SPTBN4: variants seen among roughly 807,000 people sequenced by gnomAD.
The protein encoded by SPTBN4 is spectrin beta, non-erythrocytic 4.
SPTBN4 carries 96 observed loss-of-function variants against 277.8 expected under a neutral mutation model. The observed-to-expected ratio is 0.35, with a 90% CI of 0.29 to 0.41. The LOEUF (loss-of-function observed/expected upper bound fraction) is 0.41. Ranked by LOEUF, SPTBN4 falls within the 10% of genes least tolerant of loss-of-function variation. The pLI is 1.00. For synonymous variants in SPTBN4, 1,481 were observed against 1,580.3 expected (o/e 0.94, Z 1.49); for missense variants, 3,006 against 3,595.7 (o/e 0.84, Z 4.19).
Position 40,515,602 on chromosome 19 carries a change from T to C in SPTBN4, c.2903+154T>C, listed in dbSNP as rs1371057050. On this transcript the variant is annotated intron_variant, in intron 15 of 35. Transcript: ENST00000598249. This position sits in a 1 kb window ranked among gnomAD's most constrained non-coding sequence, Gnocchi z 4.1. ...GACCAAAAATCATAATCCCTGATAC[T>C]GGTGATGACGTGGTAAAATTAAAAC... Among the ~76,000 whole-genome samples the C allele has an allele frequency of 6.6e-6, 1 of 152,210 alleles. No homozygotes were observed. The highest frequency in any genetic ancestry group is 1.5e-5 in the Non-Finnish European group (1 of 68,040).
rs1568803668 is a variant in SPTBN4, at chr19:40,519,992, C to G, written c.3495C>G (p.Gly1165=). Residue 1165 remains glycine (G), a synonymous_variant, in exon 16 of 36, where the codon GGC becomes GGG. Transcript: ENST00000598249. The surrounding 1 kb of genome is among the most constrained non-coding windows in gnomAD (Gnocchi z 5.7). ...ALLAADGAEL[G]PGLALDEWLP... ...TGGCCGCCGACGGCGCAGAGCTGGG[C>G]CCGGGCCTGGCACTAGACGAGTGGC... 6.4e-7 allele frequency: 1 copy of G among 1,560,550 alleles called. No homozygotes were observed. Among genetic ancestry groups the G allele is most frequent in the Admixed American group, 2.0e-5 (1 of 49,310 alleles).
At chr19:40,565,836 T>A in intron 29 of SPTBN4, 91 bp downstream of exon 29, 1 of 1,368,230 alleles carries the variant, frequency 7.3e-7, no homozygotes, top group Non-Finnish European at 1.0e-6. Flanking sequence ...AGGAGCATGC[T>A]TTGCACCCTA....
intron 2 of SPTBN4, among the ~76,000 whole-genome samples, chr19:40,473,354 GTT>G (rs61584591): frequency 1.2e-3 from 115 of 99,094 alleles, no homozygotes; most frequent in African/African-American, 4.5e-3. Flanking sequence ...CTGGCCTGGT[GTT>G]TTTTTTTTTT....
At chr19:40,486,619 C>T (rs558630753) in intron 2 of SPTBN4, among the ~76,000 whole-genome samples, 3 of 152,162 alleles carry the variant, frequency 2.0e-5, no homozygotes, top group East Asian at 3.9e-4. Flanking sequence ...GCAATCCACC[C>T]GCCTTGGCTT....
intron 17 of SPTBN4, among the ~76,000 whole-genome samples, chr19:40,527,596 G>A (rs2080608107): frequency 6.6e-6 from 1 of 152,242 alleles, no homozygotes; most frequent in African/African-American, 2.4e-5. Context: ...TTGAGTAGAT[G>A]TTGGGGGAAG....
At chr19:40,526,461 C>A (rs888296982) in intron 17 of SPTBN4, among the ~76,000 whole-genome samples, 2 of 152,060 alleles carry the variant, frequency 1.3e-5, no homozygotes, top group Non-Finnish European at 2.9e-5. Flanking sequence ...CGTGAGCCAC[C>A]GCGCCGGCCG....
chr19:40,482,912 G>A (rs2080028548), intron 2 of SPTBN4, among the ~76,000 whole-genome samples: 1 of 151,994 alleles, frequency 6.6e-6, no homozygotes, highest in South Asian at 2.1e-4. Flanking sequence ...AATGAGCCAA[G>A]ATTACACCAC....
chr19:40,497,816 C>T lies in SPTBN4; in HGVS notation c.784+212C>T, dbSNP rs143168683. On this transcript the variant is annotated intron_variant, in intron 7 of 35. Transcript: ENST00000598249. ...CGATCCCTCCCACATACCATCCTCACACCTCTTCCTCTCTCATCCCCAACC... is the reference window on the plus strand; with the variant it reads ...CGATCCCTCCCACATACCATCCTCATACCTCTTCCTCTCTCATCCCCAACC... 9.9e-5 allele frequency among the ~76,000 whole-genome samples: 15 copies of T among 151,826 alleles called. No homozygotes were observed. In the East Asian group the frequency reaches 1.4e-3, roughly 14 times the overall value.
intron 31 of SPTBN4, among the ~76,000 whole-genome samples, chr19:40,569,224 G>A (rs1418547447): frequency 6.6e-6 from 1 of 152,032 alleles, no homozygotes; most frequent in Non-Finnish European, 1.5e-5. Context: ...TCAGAAGTTC[G>A]AGACCAACCT....
rs1485823532 is a variant in SPTBN4 at position 40,565,574 on chromosome 19, G to A, written c.6054+13G>A. On this transcript the variant is annotated intron_variant, in intron 28 of 35. Coordinates refer to ENST00000598249, the MANE Select transcript of SPTBN4 (RefSeq NM_020971.3). ...CATGGCTGATGAGGTGGGGAGCAGG[G>A]AGGGGGTCCCCCTCTGCCACCCGGG... The A allele has an allele frequency of 1.2e-6, 2 of 1,611,960 alleles. No individual in the cohort carries two copies. The highest frequency in any genetic ancestry group is 1.7e-6 in the Non-Finnish European group (2 of 1,178,984).
At position 40,550,284 on chromosome 19, in the gene SPTBN4, G is replaced by T; in HGVS notation, c.4631G>T (p.Gly1544Val). The T allele has an allele frequency of 6.2e-7, 1 of 1,612,580 alleles. No homozygotes were observed. Residue 1544 changes from glycine to valine, a missense_variant, in exon 22 of 36, where the codon GGC (glycine) becomes GTC (valine). Gly to Val is a moderately radical substitution (Grantham distance 109). This residue lies in a region of SPTBN4 where 1,759 missense variants were observed against 2,061.5 expected (regional missense o/e 0.85). Transcript: ENST00000598249. The stretch of plus-strand genomic sequence containing the variant: ...CCACTGGCCATGCAGACAGAGCGAG[G>T]CAACGGTTTGCAGGCGGTCCAGCAG... Reference protein sequence around the residue: ...RLPLAMQTERGNGLQAVQQHI... With the variant: ...RLPLAMQTERVNGLQAVQQHI...
chr19:40,481,161 C>T (rs943291989), intron 2 of SPTBN4, among the ~76,000 whole-genome samples: 7 of 152,146 alleles, frequency 4.6e-5, no homozygotes, highest in African/African-American at 7.2e-5. Context: ...TTTACACCCA[C>T]GCAGGAGTGA....
chr19:40,562,272 G>C (rs1395314357), intron 27 of SPTBN4, among the ~76,000 whole-genome samples: 1 of 152,134 alleles, frequency 6.6e-6, no homozygotes, highest in African/African-American at 2.4e-5. Context: ...GCTTATACCT[G>C]TCATCCCAGC....
intron 16 of SPTBN4, among the ~76,000 whole-genome samples, chr19:40,522,709 T>G (rs1306920089): frequency 6.6e-6 from 1 of 152,148 alleles, no homozygotes; most frequent in African/African-American, 2.4e-5. Context: ...ATTTTGGGGC[T>G]GAGCACACCT....
chr19:40,536,068 A>T (rs764342196), intron 20 of SPTBN4, among the ~76,000 whole-genome samples: 2 of 152,180 alleles, frequency 1.3e-5, no homozygotes, highest in Non-Finnish European at 2.9e-5. Context: ...TACTGCCTTC[A>T]CGGTGATCCC....
At position 40,572,177 on chromosome 19, in the gene SPTBN4, A is replaced by T; in HGVS notation, c.7478A>T (p.His2493Leu). 6.2e-7 allele frequency: 1 copy of T among 1,600,276 alleles called. No homozygotes were observed. The highest frequency in any genetic ancestry group is 2.2e-5 in the East Asian group (1 of 44,634). ...EVASDYKKKKHVFKLQTQDGS... is the reference protein window; with the variant it reads ...EVASDYKKKKLVFKLQTQDGS... Reference sequence around the variant, plus strand: ...GCTAGTGACTACAAGAAAAAGAAGCATGTCTTCAAGCTCCAGTGAGCCCCC... The same window carrying T: ...GCTAGTGACTACAAGAAAAAGAAGCTTGTCTTCAAGCTCCAGTGAGCCCCC... The change falls in exon 34 of 36, where the codon CAT (histidine) becomes CTT (leucine). Residue 2493 changes from histidine to leucine, a missense_variant. Physicochemically the swap from His to Leu is moderately conservative, Grantham distance 99. Transcript: ENST00000598249.
At position 40,516,417 on chromosome 19, in the gene SPTBN4, C is replaced by T. The variant is rs550816818; in HGVS notation, c.2903+969C>T. 2.6e-5 allele frequency among the ~76,000 whole-genome samples: 4 copies of T among 152,202 alleles called. No homozygotes were observed. In the East Asian group the frequency reaches 7.7e-4, roughly 29 times the overall value. On this transcript the variant is annotated intron_variant, in intron 15 of 35. Coordinates refer to ENST00000598249, the MANE Select transcript of SPTBN4 (RefSeq NM_020971.3). ...ACCTAGGCTCAAGCGATCCTCCCAC[C>T]TCTGCCTCCTGAGGAACTGGGACTA...
Position 40,513,309 on chromosome 19 carries a change from G to C in SPTBN4, c.2520G>C (p.Gly840=). The change falls in exon 14 of 36, where the codon GGG becomes GGC. Residue 840 remains glycine (G), a synonymous_variant. Coordinates refer to ENST00000598249, the MANE Select transcript of SPTBN4 (RefSeq NM_020971.3). ...TGCGGCGCCAGCTGGCGACACTCGGGGGTGCCAGTGGCGCAGGGCCACTGG... is the reference window on the plus strand; with the variant it reads ...TGCGGCGCCAGCTGGCGACACTCGGCGGTGCCAGTGGCGCAGGGCCACTGG... ...SGLRRQLATL[G]GASGAGPLVV... The C allele has an allele frequency of 6.4e-7, 1 of 1,564,828 alleles. No homozygotes were observed. The highest frequency in any genetic ancestry group is 8.6e-7 in the Non-Finnish European group (1 of 1,158,500).
chr19:40,530,116 T>C (rs1428098703), intron 18 of SPTBN4, among the ~76,000 whole-genome samples: 1 of 151,940 alleles, frequency 6.6e-6, no homozygotes, highest in Non-Finnish European at 1.5e-5. Flanking sequence ...CGCCCTCCCA[T>C]ATCCCCTGTC....
Sources: gnomAD v4.1 joint callset for allele counts (sites outside exome capture counted in the v4.1 genomes callset) on GRCh38, gnomAD v4.1.1 for gene constraint, gnomAD v4.1.1 regional missense constraint, Gnocchi (gnomAD v3.1) non-coding constraint, MANE v1.5 for transcripts, NCBI Gene and HGNC (gene_info 2026-07-23, HGNC 2026-07-21) for gene names.